ACKR2: variants seen among roughly 807,000 people sequenced by gnomAD.
ACKR2 encodes the protein C-C chemokine receptor D6.
For missense variants in ACKR2, 457 were observed against 477.3 expected (o/e 0.96, Z 0.40); for synonymous variants, 207 against 192.2 (o/e 1.08, Z -0.64).
intron 2 of ACKR2, among the ~76,000 whole-genome samples, chr3:42,847,814 C>T (rs1173364075): frequency 6.6e-6 from 1 of 152,106 alleles, no homozygotes; most frequent in Non-Finnish European, 1.5e-5. Context: ...GAACTCTTTG[C>T]CTGTGGAATT....
chr3:42,811,007 A>T (rs1336328064), intron 1 of ACKR2, among the ~76,000 whole-genome samples: 1 of 151,910 alleles, frequency 6.6e-6, no homozygotes, highest in Non-Finnish European at 1.5e-5. Flanking sequence ...CTGCCACCAC[A>T]CCCGGCTAAC....
At chr3:42,857,905 G>A (rs761584914) in intron 2 of ACKR2, among the ~76,000 whole-genome samples, 4 of 152,222 alleles carry the variant, frequency 2.6e-5, no homozygotes, top group Non-Finnish European at 4.4e-5. Flanking sequence ...CAAAGCCACT[G>A]GGAAGTTCGA....
At chr3:42,849,651 G>A (rs1048793360) in intron 2 of ACKR2, among the ~76,000 whole-genome samples, 4 of 152,224 alleles carry the variant, frequency 2.6e-5, no homozygotes, top group African/African-American at 4.8e-5. Flanking sequence ...GTGATGGACA[G>A]AAAATGGAAG....
intron 2 of ACKR2, among the ~76,000 whole-genome samples, chr3:42,856,669 A>T (rs2088324449): frequency 6.6e-6 from 1 of 152,124 alleles, no homozygotes; most frequent in South Asian, 2.1e-4. Flanking sequence ...CAAGTAAAAT[A>T]TTAAAAAGTA....
chr3:42,854,905 G>A (rs1301076753), intron 2 of ACKR2, among the ~76,000 whole-genome samples: 1 of 143,188 alleles, frequency 7.0e-6, no homozygotes, highest in Non-Finnish European at 1.5e-5. Flanking sequence ...TGCCCAGGCT[G>A]TAGTGCAATG....
chr3:42,818,648 A>G lies in ACKR2; in HGVS notation c.-118-983A>G, dbSNP rs9681705. Among the ~76,000 whole-genome samples, 4 of 152,248 alleles carry G rather than the reference A, an allele frequency of 2.6e-5. No individual in the cohort carries two copies. In the East Asian group the frequency reaches 5.8e-4, roughly 22 times the overall value. The stretch of plus-strand genomic sequence containing the variant: ...GCGATCTCGGCTCACTGCAACCTCC[A>G]TCTCTCGGGTTCAAGCAATTCTCCT... On this transcript the variant is annotated intron_variant, in intron 1 of 2. Transcript: ENST00000422265.
At chr3:42,832,356 G>C (rs554672133) in intron 2 of ACKR2, among the ~76,000 whole-genome samples, 1 of 152,200 alleles carries the variant, frequency 6.6e-6, no homozygotes, top group South Asian at 2.1e-4. Flanking sequence ...GGGTATAGTG[G>C]TGGGCACCTG....
At chr3:42,859,009 A>G (rs1175654564) in intron 2 of ACKR2, among the ~76,000 whole-genome samples, 3 of 152,132 alleles carry the variant, frequency 2.0e-5, no homozygotes, top group Non-Finnish European at 4.4e-5. Flanking sequence ...AAAGCCTCCA[A>G]GAAATATGAG....
chr3:42,837,511 T>C (rs181762779), intron 2 of ACKR2, among the ~76,000 whole-genome samples: 1 of 152,188 alleles, frequency 6.6e-6, no homozygotes, highest in Non-Finnish European at 1.5e-5. Flanking sequence ...CATGAGCCAC[T>C]GCGACCAGCT....
intron 1 of ACKR2, among the ~76,000 whole-genome samples, chr3:42,812,680 C>CTTTTTTTTTTTTTTTTTTTT (rs71616070): frequency 1.4e-5 from 1 of 72,758 alleles, no homozygotes; most frequent in African/African-American, 5.5e-5. Context: ...AATTTTCAGC[C>CTTTTTTTTTTTTTTTTTTTT]TTTTTTTTTT....
At chr3:42,822,077 A>G (rs1457218329) in intron 2 of ACKR2, among the ~76,000 whole-genome samples, 1 of 152,112 alleles carries the variant, frequency 6.6e-6, no homozygotes, top group East Asian at 1.9e-4. Context: ...ATATATGTAT[A>G]TATTTACAAA....
intron 2 of ACKR2, among the ~76,000 whole-genome samples, chr3:42,857,941 G>T (rs1319518455): frequency 6.6e-6 from 1 of 152,244 alleles, no homozygotes. Flanking sequence ...CCGTAGCTTG[G>T]CAAAGCCACT....
At chr3:42,823,821 G>A (rs1421425122) in intron 2 of ACKR2, among the ~76,000 whole-genome samples, 1 of 152,186 alleles carries the variant, frequency 6.6e-6, no homozygotes, top group Non-Finnish European at 1.5e-5. Flanking sequence ...TCAAATAAAG[G>A]TAATTAGTCC....
intron 1 of ACKR2, among the ~76,000 whole-genome samples, chr3:42,812,853 AT>A (rs1363603094): frequency 1.3e-5 from 2 of 151,188 alleles, no homozygotes; most frequent in African/African-American, 2.4e-5. Flanking sequence ...CATCCGGCTA[AT>A]TTTTTTGTAT....
intron 2 of ACKR2, among the ~76,000 whole-genome samples, chr3:42,828,506 C>A (rs1700896167): frequency 1.3e-5 from 2 of 152,336 alleles, no homozygotes; most frequent in Non-Finnish European, 2.9e-5. Flanking sequence ...TTCCACAATG[C>A]AGCCCCTAAA....
chr3:42,854,543 C>T (rs76443063), intron 2 of ACKR2, among the ~76,000 whole-genome samples: 2 of 152,196 alleles, frequency 1.3e-5, no homozygotes, highest in Admixed American at 6.5e-5. Context: ...ATCCAATCCC[C>T]GGCCCCCCAT....
intron 2 of ACKR2, among the ~76,000 whole-genome samples, chr3:42,850,155 T>C (rs984608508): frequency 1.3e-5 from 2 of 152,118 alleles, no homozygotes; most frequent in Non-Finnish European, 2.9e-5. Flanking sequence ...GGTCTCTCTA[T>C]TGGAAACTAG....
At chr3:42,844,353 C>G (rs1041004667) in intron 2 of ACKR2, among the ~76,000 whole-genome samples, 3 of 152,042 alleles carry the variant, frequency 2.0e-5, no homozygotes, top group Non-Finnish European at 2.9e-5. Flanking sequence ...CTCGGGGAGA[C>G]AGTGCAGTGC....
intron 2 of ACKR2, among the ~76,000 whole-genome samples, chr3:42,830,841 AGATAGAC>A (rs1559686579): frequency 6.6e-6 from 1 of 151,998 alleles, no homozygotes; most frequent in African/African-American, 2.4e-5. Context: ...CCCTTAGGCT[AGATAGAC>A]ATTCTATGGA....
Sources: allele counts gnomAD v4.1 joint callset (sites outside exome capture counted in the v4.1 genomes callset), GRCh38; gene constraint gnomAD v4.1.1; transcripts MANE v1.5; gene names NCBI Gene and HGNC (gene_info 2026-07-23, HGNC 2026-07-21).